The following OR3A2 variants were observed in gnomAD, a reference collection of about 807,000 sequenced individuals.
OR3A2 encodes olfactory receptor 3A2.
For synonymous variants in OR3A2, 126 were observed against 159.3 expected (o/e 0.79, Z 1.57); for missense variants, 318 against 392.8 (o/e 0.81, Z 1.61).
intron 2 of OR3A2, among the ~76,000 whole-genome samples, chr17:3,369,728 G>A (rs79926830): frequency 1.3e-5 from 2 of 151,446 alleles, no homozygotes; most frequent in African/African-American, 2.4e-5. Context: ...TTTAGTATTA[G>A]GGTAATCCTG....
chr17:3,347,024 T>C (rs1018539354), intron 2 of OR3A2, among the ~76,000 whole-genome samples: 10 of 152,194 alleles, frequency 6.6e-5, no homozygotes, highest in Non-Finnish European at 1.3e-4. Flanking sequence ...CTCTTTGATA[T>C]ATTGATTTTC....
At chr17:3,297,011 C>T (rs1224414654) in intron 3 of OR3A2, among the ~76,000 whole-genome samples, 1 of 152,220 alleles carries the variant, frequency 6.6e-6, no homozygotes, top group Non-Finnish European at 1.5e-5. Context: ...TAGCTGCCCC[C>T]TCTGGGCCCT....
At chr17:3,370,876 G>A (rs2049610017) in intron 2 of OR3A2, among the ~76,000 whole-genome samples, 1 of 152,074 alleles carries the variant, frequency 6.6e-6, no homozygotes, top group South Asian at 2.1e-4. Flanking sequence ...AGCACATCTT[G>A]CACTGCCCTT....
chr17:3,375,245 TCCCCC>T (rs59796994), intron 2 of OR3A2, among the ~76,000 whole-genome samples: 1 of 45,998 alleles, frequency 2.2e-5, no homozygotes, highest in Admixed American at 4.0e-4. Flanking sequence ...TTTTTTTTTT[TCCCCC>T]CCTTTTTGAG....
chr17:3,290,063 G>A (rs1310946240), intron 3 of OR3A2, among the ~76,000 whole-genome samples: 1 of 151,938 alleles, frequency 6.6e-6, no homozygotes, highest in African/African-American at 2.4e-5. Context: ...GACATCCTAG[G>A]AGCACCTCTG....
intron 2 of OR3A2, among the ~76,000 whole-genome samples, chr17:3,362,047 G>T (rs1329533346): frequency 6.6e-6 from 1 of 151,544 alleles, no homozygotes; most frequent in Non-Finnish European, 1.5e-5. Flanking sequence ...GTCTAGTCCT[G>T]GACTTTTTTT....
intron 3 of OR3A2, among the ~76,000 whole-genome samples, chr17:3,299,228 A>G (rs1284216318): frequency 6.6e-6 from 1 of 152,224 alleles, no homozygotes; most frequent in Non-Finnish European, 1.5e-5. Context: ...TCTCGGAACA[A>G]GAGTTCTGAG....
intron 2 of OR3A2, among the ~76,000 whole-genome samples, chr17:3,354,146 T>C (rs1010211699): frequency 1.3e-5 from 2 of 151,762 alleles, no homozygotes; most frequent in African/African-American, 4.8e-5. Context: ...TTGTTGTTGT[T>C]GTTTTTAATG....
chr17:3,350,121 A>T (rs959318450), intron 2 of OR3A2, among the ~76,000 whole-genome samples: 2 of 150,952 alleles, frequency 1.3e-5, no homozygotes, highest in African/African-American at 4.9e-5. Flanking sequence ...CAATTAAAAG[A>T]ACTAGAAAAG....
At chr17:3,336,694 C>T (rs1007154179) in intron 2 of OR3A2, among the ~76,000 whole-genome samples, 6 of 152,084 alleles carry the variant, frequency 3.9e-5, no homozygotes, top group African/African-American at 1.4e-4. Context: ...TCTGGGTTGC[C>T]AGACACCATA....
chr17:3,332,467 G>C (rs2049244790), intron 3 of OR3A2, among the ~76,000 whole-genome samples: 2 of 152,214 alleles, frequency 1.3e-5, no homozygotes, highest in Admixed American at 6.5e-5. Context: ...TGATTTTCCA[G>C]GTGCGTCCGT....
intron 2 of OR3A2, among the ~76,000 whole-genome samples, chr17:3,367,108 TAG>T (rs2049570829): frequency 6.6e-6 from 1 of 152,258 alleles, no homozygotes; most frequent in Admixed American, 6.5e-5. Context: ...GCTCACAAAA[TAG>T]AGTTTGGGAA....
intron 3 of OR3A2, among the ~76,000 whole-genome samples, chr17:3,322,797 T>C (rs374175994): frequency 1.3e-5 from 2 of 152,288 alleles, no homozygotes; most frequent in East Asian, 3.9e-4. Context: ...TCCAACTATG[T>C]GGTCAATTTT....
chr17:3,303,659 C>T (rs371215010), intron 3 of OR3A2, among the ~76,000 whole-genome samples: 10 of 150,578 alleles, frequency 6.6e-5, no homozygotes, highest in East Asian at 4.0e-4. Context: ...GCAGGAGGAT[C>T]GCTTGAACAC....
chr17:3,359,727 A>G (rs1450178075), intron 2 of OR3A2, among the ~76,000 whole-genome samples: 9 of 151,570 alleles, frequency 5.9e-5, no homozygotes, highest in Non-Finnish European at 1.2e-4. Context: ...AGCTTCATCC[A>G]TGTCCCTACA....
intron 3 of OR3A2, among the ~76,000 whole-genome samples, chr17:3,324,854 G>C (rs1436421291): frequency 2.0e-5 from 3 of 152,038 alleles, no homozygotes; most frequent in African/African-American, 4.8e-5. Context: ...CTCAAGCTGA[G>C]ATTTTCTTCT....
At chr17:3,300,738 A>G (rs1363778272) in intron 3 of OR3A2, among the ~76,000 whole-genome samples, 7 of 151,902 alleles carry the variant, frequency 4.6e-5, no homozygotes, top group Non-Finnish European at 7.4e-5. Context: ...CATGTGCACA[A>G]TGTGCAGGTT....
intron 2 of OR3A2, among the ~76,000 whole-genome samples, chr17:3,375,947 G>C (rs1405402344): frequency 2.0e-5 from 3 of 152,206 alleles, no homozygotes; most frequent in Non-Finnish European, 4.4e-5. Flanking sequence ...CCTGTGATGT[G>C]ATCTGTCTTC....
At chr17:3,384,961 G>A (rs2049766036) in intron 1 of OR3A2, among the ~76,000 whole-genome samples, 1 of 152,176 alleles carries the variant, frequency 6.6e-6, no homozygotes, top group South Asian at 2.1e-4. Flanking sequence ...GGAGGCCAAG[G>A]CGGGTGGATC....
Sources: allele counts gnomAD v4.1 joint callset (sites outside exome capture counted in the v4.1 genomes callset), GRCh38; gene constraint gnomAD v4.1.1; transcripts MANE v1.5; gene names NCBI Gene and HGNC (gene_info 2026-07-23, HGNC 2026-07-21).